The following ERCC6L2 variants were observed in gnomAD, a reference collection of about 807,000 sequenced individuals.
ERCC6L2 encodes the protein DNA excision repair protein ERCC-6-like 2.
Under a neutral mutation model 132.0 loss-of-function variants are expected in ERCC6L2, and 77 were observed. That is an observed-to-expected ratio of 0.58 (90% confidence interval 0.49 to 0.71). The LOEUF (loss-of-function observed/expected upper bound fraction) is 0.71, where lower values mean the gene tolerates loss of function less well. Among genes scored for constraint, ERCC6L2 ranks in the 30% least tolerant of loss-of-function variants. The pLI, the probability that ERCC6L2 is intolerant of heterozygous loss-of-function variation, is 0.00. For missense variants in ERCC6L2, 1,542 were observed against 1,837.6 expected (o/e 0.84, Z 2.94); for synonymous variants, 583 against 632.4 (o/e 0.92, Z 1.17).
intron 19 of ERCC6L2, among the ~76,000 whole-genome samples, chr9:96,024,863 G>A (rs955041370): frequency 4.3e-4 from 66 of 152,122 alleles, no homozygotes; most frequent in African/African-American, 1.6e-3. Context: ...TCAGTTAATC[G>A]CATTGCTTCA....
Position 96,018,077 on chromosome 9 carries a change from G to T in ERCC6L2, c.*4874G>T, listed in dbSNP as rs948577805. On this transcript the variant is annotated 3_prime_UTR_variant, in exon 19 of 19. Coordinates refer to ENST00000653738, the MANE Select transcript of ERCC6L2 (RefSeq NM_020207.7). ...CAAAGTAGAATGGTGGTTGCTAGAC[G>T]CTGGAGGGAGGGGAGAAAGGGGAGT... Among the ~76,000 whole-genome samples the T allele has an allele frequency of 6.6e-6, 1 of 152,162 alleles. No homozygotes were observed. Among genetic ancestry groups the T allele is most frequent in the African/African-American group, 2.4e-5 (1 of 41,434 alleles).
At chr9:95,877,049 T>C (rs759663738) in intron 1 of ERCC6L2, 2 of 152,208 alleles carry the variant, frequency 1.3e-5, no homozygotes, top group Non-Finnish European at 2.9e-5. Context: ...CCTTGAGGAA[T>C]GCTTGAGGAG....
intron 5 of ERCC6L2, 69 bp downstream of exon 5, chr9:95,915,898 C>A: frequency 7.1e-7 from 1 of 1,403,086 alleles, no homozygotes; most frequent in South Asian, 1.4e-5. Context: ...GTTTGCTAAT[C>A]ATTAGTTTCC....
intron 4 of ERCC6L2, among the ~76,000 whole-genome samples, chr9:95,912,413 ATGT>A (rs1829384332): frequency 6.6e-6 from 1 of 152,118 alleles, no homozygotes; most frequent in Non-Finnish European, 1.5e-5. Flanking sequence ...ATACATTCAA[ATGT>A]TGGCAAAATG....
chr9:95,953,574 CAA>C (rs556745003), intron 12 of ERCC6L2, among the ~76,000 whole-genome samples: 4 of 85,948 alleles, frequency 4.7e-5, no homozygotes, highest in Admixed American at 1.2e-4. Context: ...GACTCTGTCT[CAA>C]AAAAAAAAAA....
At chr9:96,022,291 G>A (rs1027156964), downstream of ERCC6L2, among the ~76,000 whole-genome samples, 1 of 152,184 alleles carries the variant, frequency 6.6e-6, no homozygotes, top group African/African-American at 2.4e-5. Context: ...ACCGCGGCGG[G>A]TGCAAGCCTC....
At position 95,885,693 on chromosome 9, in the gene ERCC6L2, G is replaced by C. The variant is rs2132536678; in HGVS notation, c.471+4400G>C. 2.0e-5 allele frequency among the ~76,000 whole-genome samples: 3 copies of C among 152,330 alleles called. No homozygotes were observed. In the South Asian group the frequency reaches 6.2e-4, roughly 32 times the overall value. ...ACAACTCAGTGATAGGAAAAGAGGT[G>C]AGTGGGTGCTTACCATGGAGTAGTG... On this transcript the variant is annotated intron_variant, in intron 2 of 18. Transcript: ENST00000653738.
At chr9:96,029,072 A>G (rs1834418692) in intron 19 of ERCC6L2, among the ~76,000 whole-genome samples, 1 of 152,108 alleles carries the variant, frequency 6.6e-6, no homozygotes, top group African/African-American at 2.4e-5. Flanking sequence ...TGGGAGGTCA[A>G]GGTGGGCGGA....
chr9:96,001,931 C>T (rs1833697397), intron 17 of ERCC6L2, among the ~76,000 whole-genome samples: 1 of 152,248 alleles, frequency 6.6e-6, no homozygotes, highest in Non-Finnish European at 1.5e-5. Flanking sequence ...TGCTGGGGGA[C>T]TCAGTACACC....
chr9:95,977,726 G>A (rs1046292628), intron 16 of ERCC6L2, among the ~76,000 whole-genome samples: 1 of 151,554 alleles, frequency 6.6e-6, no homozygotes, highest in East Asian at 1.9e-4. Context: ...CTTTAAATTA[G>A]TGAACATCTT....
chr9:95,966,532 CA>C, intron 13 of ERCC6L2, 29 bp from the exon 14 acceptor site: 1 of 1,428,520 alleles, frequency 7.0e-7, no homozygotes, highest in Non-Finnish European at 9.3e-7. Context: ...GCAAACACTT[CA>C]AAAATGTCTT....
intron 9 of ERCC6L2, among the ~76,000 whole-genome samples, chr9:95,926,666 G>T (rs1434028321): frequency 6.6e-6 from 1 of 152,048 alleles, no homozygotes; most frequent in East Asian, 1.9e-4. Context: ...AATTTTTAGG[G>T]CAATGAAACA....
At chr9:95,915,050 A>G (rs1359744539) in intron 4 of ERCC6L2, among the ~76,000 whole-genome samples, 4 of 152,190 alleles carry the variant, frequency 2.6e-5, no homozygotes, top group African/African-American at 4.8e-5. Flanking sequence ...AAATATTCCA[A>G]TTAGGCTGGC....
At chr9:95,901,199 C>T (rs1828757951) in intron 3 of ERCC6L2, among the ~76,000 whole-genome samples, 1 of 151,978 alleles carries the variant, frequency 6.6e-6, no homozygotes, top group African/African-American at 2.4e-5. Flanking sequence ...AATGACAAAA[C>T]ATCTTCTGTC....
At chr9:95,881,538 G>T (rs193102987) in intron 2 of ERCC6L2, among the ~76,000 whole-genome samples, 2 of 152,206 alleles carry the variant, frequency 1.3e-5, no homozygotes, top group East Asian at 3.9e-4. Context: ...CACTTGGTTT[G>T]ATTTTACCTT....
At chr9:95,983,873 G>A (rs1832985430) in intron 17 of ERCC6L2, among the ~76,000 whole-genome samples, 2 of 152,164 alleles carry the variant, frequency 1.3e-5, no homozygotes, top group African/African-American at 4.8e-5. Context: ...GGCTTACATC[G>A]CTGTGGTCTT....
chr9:95,914,073 C>G (rs917922831), intron 4 of ERCC6L2, among the ~76,000 whole-genome samples: 4 of 152,204 alleles, frequency 2.6e-5, no homozygotes, highest in African/African-American at 4.8e-5. Context: ...AAACCGCCAT[C>G]TGTTTTAGAA....
intron 11 of ERCC6L2, among the ~76,000 whole-genome samples, chr9:95,935,126 A>G (rs1830499871): frequency 1.3e-5 from 2 of 152,228 alleles, no homozygotes; most frequent in African/African-American, 2.4e-5. Flanking sequence ...GTATAATGCA[A>G]TAAATGCTTT....
intron 11 of ERCC6L2, among the ~76,000 whole-genome samples, chr9:95,932,556 T>A (rs1027544584): frequency 6.6e-6 from 1 of 152,150 alleles, no homozygotes; most frequent in Non-Finnish European, 1.5e-5. Context: ...AATTTATTAA[T>A]GAGTTTGAGG....
Sources: gnomAD v4.1 joint callset for allele counts (sites outside exome capture counted in the v4.1 genomes callset) on GRCh38, gnomAD v4.1.1 for gene constraint, MANE v1.5 for transcripts, NCBI Gene and HGNC (gene_info 2026-07-23, HGNC 2026-07-21) for gene names.